Variants in METTL16 observed in about 807,000 individuals in gnomAD.
METTL16 encodes RNA N(6)-adenosine-methyltransferase METTL16.
Under a neutral mutation model 57.9 loss-of-function variants are expected in METTL16, and 19 were observed. The ratio of observed to expected loss-of-function variants is 0.33; its 90% CI spans 0.23 to 0.48. The LOEUF (loss-of-function observed/expected upper bound fraction) is 0.48, where lower values mean the gene tolerates loss of function less well. Among genes scored for constraint, METTL16 ranks in the 20% least tolerant of loss-of-function variants. The probability of loss-of-function intolerance (pLI) is 0.99; values close to 1 mark genes in which losing one functional copy is unlikely to be tolerated. For synonymous variants in METTL16, 246 were observed against 255.6 expected (o/e 0.96, Z 0.36); for missense variants, 434 against 691.5 (o/e 0.63, Z 4.18).
intron 6 of METTL16, among the ~76,000 whole-genome samples, chr17:2,453,125 G>C: frequency 6.6e-6 from 1 of 152,174 alleles, no homozygotes. Flanking sequence ...CTCCCAAAGT[G>C]CTGGGATTAC....
At chr17:2,465,440 G>A (rs1211369722) in intron 5 of METTL16, among the ~76,000 whole-genome samples, 4 of 151,452 alleles carry the variant, frequency 2.6e-5, no homozygotes, top group African/African-American at 4.9e-5. Flanking sequence ...CCAGCTACTC[G>A]GGGGGCTGAG....
chr17:2,495,601 A>T (rs1179997795), intron 2 of METTL16, among the ~76,000 whole-genome samples: 2 of 150,686 alleles, frequency 1.3e-5, no homozygotes, highest in African/African-American at 2.5e-5. Context: ...AGGCTGAGGC[A>T]GAAGAATCCC....
At chr17:2,504,296 T>A (rs2067513673) in intron 1 of METTL16, among the ~76,000 whole-genome samples, 1 of 152,090 alleles carries the variant, frequency 6.6e-6, no homozygotes, top group Non-Finnish European at 1.5e-5. Flanking sequence ...GAGATAGAGG[T>A]GATGGTTGCA....
chr17:2,492,733 T>C (rs2067408107), intron 2 of METTL16, among the ~76,000 whole-genome samples: 1 of 150,854 alleles, frequency 6.6e-6, no homozygotes, highest in Non-Finnish European at 1.5e-5. Flanking sequence ...CTACTAAAAA[T>C]AAAAAATAAA....
chr17:2,478,344 C>G (rs1344394067), intron 2 of METTL16, among the ~76,000 whole-genome samples: 5 of 152,220 alleles, frequency 3.3e-5, no homozygotes, highest in African/African-American at 1.2e-4. Flanking sequence ...CCATTAACAT[C>G]ATCTGACATT....
intron 2 of METTL16, among the ~76,000 whole-genome samples, chr17:2,480,758 T>G (rs1025737428): frequency 6.6e-6 from 1 of 152,222 alleles, no homozygotes; most frequent in East Asian, 1.9e-4. Context: ...CAAAGGATTA[T>G]AGACCATAGA....
chr17:2,459,501 C>T (rs920504876), intron 6 of METTL16, among the ~76,000 whole-genome samples: 1 of 152,346 alleles, frequency 6.6e-6, no homozygotes, highest in African/African-American at 2.4e-5. Context: ...TAACTTATTT[C>T]ACCCCATAAT....
chr17:2,446,682 G>A (rs2066998497), intron 6 of METTL16, among the ~76,000 whole-genome samples: 1 of 151,004 alleles, frequency 6.6e-6, no homozygotes, highest in Non-Finnish European at 1.5e-5. Context: ...CGGTGCTGCT[G>A]CCATCTCGGC....
chr17:2,489,736 A>AAAAAAAAAAAAC, intron 2 of METTL16, among the ~76,000 whole-genome samples: 1 of 149,562 alleles, frequency 6.7e-6, no homozygotes, highest in African/African-American at 2.5e-5. Context: ...GAGACTCAAA[A>AAAAAAAAAAAAC]AAAAAAAAAA....
At position 2,416,170 on chromosome 17, in the gene METTL16, T is replaced by C. The variant is rs1013800592; in HGVS notation, c.*3800A>G. ...CAAGAAAACACCGTGGACAGACTTG[T>C]CTCCATTCCCACGGGGAAGTGAAGG... is the stretch of plus-strand genomic sequence containing the variant. On this transcript the variant is annotated 3_prime_UTR_variant, in exon 10 of 10. Coordinates refer to ENST00000263092, the MANE Select transcript of METTL16 (RefSeq NM_024086.4). 5 of 152,196 alleles carry C rather than the reference T, an allele frequency of 3.3e-5. No individual in the cohort carries two copies. The highest frequency in any genetic ancestry group is 1.2e-4 in the African/African-American group (5 of 41,446). 9.4% of individuals were successfully genotyped at this position (152,196 alleles called of 1,614,324 possible).
At chr17:2,439,140 C>T (rs556143481) in intron 7 of METTL16, among the ~76,000 whole-genome samples, 3 of 152,146 alleles carry the variant, frequency 2.0e-5, no homozygotes, top group South Asian at 2.1e-4. Context: ...GACAGGGTCT[C>T]GCTCTGTCGT....
At chr17:2,473,433 T>C (rs1005184698) in intron 4 of METTL16, 91 bp downstream of exon 4, 6 of 1,394,610 alleles carry the variant, frequency 4.3e-6, no homozygotes, top group Non-Finnish European at 5.8e-6. Context: ...TACCGAAGTC[T>C]GTGTATTAAA....
At chr17:2,510,653 G>A (rs940389585) in intron 1 of METTL16, among the ~76,000 whole-genome samples, 2 of 151,984 alleles carry the variant, frequency 1.3e-5, no homozygotes, top group Non-Finnish European at 2.9e-5. Flanking sequence ...GAGTTTAACT[G>A]GGCATCAATT....
chr17:2,501,737 A>G (rs2067489690), intron 2 of METTL16, among the ~76,000 whole-genome samples: 1 of 152,114 alleles, frequency 6.6e-6, no homozygotes, highest in South Asian at 2.1e-4. Flanking sequence ...GGGCGCCTGT[A>G]ATCCCAGCTA....
At chr17:2,442,884 G>A (rs111725351) in intron 6 of METTL16, among the ~76,000 whole-genome samples, 2,734 of 151,930 alleles carry the variant, frequency 0.018, 81 homozygotes, top group African/African-American at 0.063. Context: ...CTGGAGTGCA[G>A]TGGTACCATC....
intron 5 of METTL16, among the ~76,000 whole-genome samples, chr17:2,466,233 T>C (rs1007374118): frequency 1.3e-5 from 2 of 148,756 alleles, no homozygotes; most frequent in African/African-American, 2.5e-5. Context: ...AGTAAAAACA[T>C]TGATTTCCTT....
At chr17:2,473,807 C>CGGT in intron 3 of METTL16, 143 bp from the exon 4 acceptor site, 1 of 796,976 alleles carries the variant, frequency 1.3e-6, no homozygotes, top group Non-Finnish European at 1.9e-6. Context: ...GGTGTGATCA[C>CGGT]GGTTCACTGC....
intron 6 of METTL16, among the ~76,000 whole-genome samples, chr17:2,461,579 T>C (rs931884364): frequency 2.7e-5 from 4 of 148,554 alleles, no homozygotes; most frequent in African/African-American, 9.9e-5. Flanking sequence ...CTCCTGTCTT[T>C]TTTTTTTTTT....
chr17:2,430,466 A>C (rs545753955), intron 8 of METTL16, among the ~76,000 whole-genome samples: 1 of 132,860 alleles, frequency 7.5e-6, no homozygotes, highest in African/African-American at 2.9e-5. Context: ...CCCAGGCTGG[A>C]GTGCAGTGGC....
Sources: allele counts gnomAD v4.1 joint callset (sites outside exome capture counted in the v4.1 genomes callset), GRCh38; gene constraint gnomAD v4.1.1; transcripts MANE v1.5; gene names NCBI Gene and HGNC (gene_info 2026-07-23, HGNC 2026-07-21).